ST6GALNAC5: variants seen among roughly 807,000 people sequenced by gnomAD.
ST6GALNAC5 encodes alpha-N-acetylgalactosaminide alpha-2,6-sialyltransferase 5.
In ST6GALNAC5, 27 loss-of-function variants were observed where a neutral mutation model predicts 33.6. The ratio of observed to expected loss-of-function variants is 0.80; its 90% CI spans 0.59 to 1.11. ST6GALNAC5 has a LOEUF of 1.11. Among genes scored for constraint, ST6GALNAC5 ranks in the 50% least tolerant of loss-of-function variants. The pLI is 0.00. For missense variants in ST6GALNAC5, 428 were observed against 454.0 expected (o/e 0.94, Z 0.52); for synonymous variants, 194 against 171.2 (o/e 1.13, Z -1.04).
At chr1:76,893,892 C>T (rs1364418243) in intron 2 of ST6GALNAC5, among the ~76,000 whole-genome samples, 1 of 152,146 alleles carries the variant, frequency 6.6e-6, no homozygotes, top group East Asian at 1.9e-4. Flanking sequence ...AACTCCTGAC[C>T]TCGTGATCCA....
intron 4 of ST6GALNAC5, among the ~76,000 whole-genome samples, chr1:77,062,002 G>T (rs1570152411): frequency 1.3e-5 from 2 of 152,132 alleles, no homozygotes; most frequent in African/African-American, 4.8e-5. Flanking sequence ...CCTCTTGTTT[G>T]CTGTCTTCCT....
chr1:77,005,141 G>A (rs1004654433), intron 2 of ST6GALNAC5, among the ~76,000 whole-genome samples: 8 of 152,242 alleles, frequency 5.3e-5, no homozygotes, highest in Middle Eastern at 3.2e-3. Context: ...AGCAATCAGC[G>A]AGACTCCGTG....
At position 76,976,719 on chromosome 1, in the gene ST6GALNAC5, T is replaced by C. The variant is rs532245778; in HGVS notation, c.262-67485T>C. 7.7e-4 allele frequency among the ~76,000 whole-genome samples: 118 copies of C among 152,306 alleles called. No individual in the cohort carries two copies. The South Asian group carries it at 0.024, about 31-fold the overall frequency. ...AAATAAAGTAATGCTGTACGATCTT[T>C]TAATTTCCTCTATTTTTATAGTCCC... On this transcript the variant is annotated intron_variant, in intron 2 of 4. Transcript: ENST00000477717.
chr1:76,894,480 G>T (rs551280968), intron 2 of ST6GALNAC5, among the ~76,000 whole-genome samples: 2 of 152,144 alleles, frequency 1.3e-5, no homozygotes, highest in Non-Finnish European at 2.9e-5. Flanking sequence ...AGAGGCAGGG[G>T]GGGGATCTTT....
chr1:77,041,503 A>G (rs945395837), intron 2 of ST6GALNAC5, among the ~76,000 whole-genome samples: 1 of 152,244 alleles, frequency 6.6e-6, no homozygotes. Flanking sequence ...CATTGAATAA[A>G]TTATCATGGA....
chr1:76,873,957 A>C (rs1286763521), intron 2 of ST6GALNAC5, among the ~76,000 whole-genome samples: 1 of 152,202 alleles, frequency 6.6e-6, no homozygotes, highest in East Asian at 1.9e-4. Context: ...TAATCGTTGC[A>C]GAGAAAAGAC....
At chr1:76,984,273 A>C (rs1649387528) in intron 2 of ST6GALNAC5, among the ~76,000 whole-genome samples, 1 of 152,202 alleles carries the variant, frequency 6.6e-6, no homozygotes, top group Non-Finnish European at 1.5e-5. Flanking sequence ...AGCAAGACTA[A>C]TAAAGAAGAA....
rs965609763 is a variant in ST6GALNAC5 at position 76,868,035 on chromosome 1, G to T, written c.15+345G>T. ...CAGCCTGCCAAAAACTAAGAGGGAC[G>T]GGGAGGGGGGACCTTTGCAGACTTT... On this transcript the variant is annotated intron_variant, in intron 1 of 4. Transcript: ENST00000477717. The surrounding 1 kb of genome is among the most constrained non-coding windows in gnomAD (Gnocchi z 4.3). 1.3e-5 allele frequency among the ~76,000 whole-genome samples: 2 copies of T among 152,170 alleles called. No homozygotes were observed. The highest frequency in any genetic ancestry group is 2.9e-5 in the Non-Finnish European group (2 of 68,022).
intron 2 of ST6GALNAC5, among the ~76,000 whole-genome samples, chr1:76,966,023 T>A (rs1020095482): frequency 9.8e-5 from 15 of 152,302 alleles, no homozygotes; most frequent in Admixed American, 7.8e-4. Context: ...TGTAGTAGAG[T>A]TTGAAGTCAG....
In ST6GALNAC5 at chr1:76,880,594, G is replaced by C. The variant is rs915360127; in HGVS notation, c.261+11852G>C. ...AAGAACTTGGAGTCCAGTGTTCGAG[G>C]GCAGGAAGCATCCAGCATGGAAGAA... On this transcript the variant is annotated intron_variant, in intron 2 of 4. Coordinates refer to ENST00000477717, the MANE Select transcript of ST6GALNAC5 (RefSeq NM_030965.3). Among the ~76,000 whole-genome samples the C allele has an allele frequency of 2.0e-5, 3 of 152,304 alleles. 1 individual carries two copies. Among genetic ancestry groups the C allele is most frequent in the South Asian group, 4.2e-4 (2 of 4,818 alleles).
Position 77,008,381 on chromosome 1 carries a change from C to T in ST6GALNAC5, c.262-35823C>T, listed in dbSNP as rs796587457. 1.3e-4 allele frequency among the ~76,000 whole-genome samples: 20 copies of T among 152,272 alleles called. 1 individual carries two copies. Among genetic ancestry groups the T allele is most frequent in the African/African-American group, 4.8e-4 (20 of 41,550 alleles). ...CTTGGACCTTGGGCAAATGACTTAA[C>T]CTCTCTGAGTCTCAGTTTCTTTATC... On this transcript the variant is annotated intron_variant, in intron 2 of 4. Coordinates refer to ENST00000477717, the MANE Select transcript of ST6GALNAC5 (RefSeq NM_030965.3).
chr1:76,930,773 C>T (rs1647132217), intron 2 of ST6GALNAC5, among the ~76,000 whole-genome samples: 1 of 152,134 alleles, frequency 6.6e-6, no homozygotes, highest in Non-Finnish European at 1.5e-5. Flanking sequence ...CATCCAGACA[C>T]CTCCATGTAT....
At chr1:76,909,131 G>A (rs920954389) in intron 2 of ST6GALNAC5, among the ~76,000 whole-genome samples, 2 of 152,078 alleles carry the variant, frequency 1.3e-5, no homozygotes, top group African/African-American at 4.8e-5. Flanking sequence ...AATTATTGGT[G>A]TTTGTATCTC....
At chr1:77,048,954 C>T (rs1652108794) in intron 3 of ST6GALNAC5, among the ~76,000 whole-genome samples, 1 of 152,092 alleles carries the variant, frequency 6.6e-6, no homozygotes, top group South Asian at 2.1e-4. Flanking sequence ...CCACTTATTC[C>T]CATCTTTAGG....
At chr1:76,912,617 G>A (rs1488970756) in intron 2 of ST6GALNAC5, among the ~76,000 whole-genome samples, 1 of 150,830 alleles carries the variant, frequency 6.6e-6, no homozygotes, top group African/African-American at 2.4e-5. Context: ...CCTGTATTGG[G>A]TGCATATATA....
At chr1:76,872,101 A>G (rs1019284471) in intron 2 of ST6GALNAC5, among the ~76,000 whole-genome samples, 1 of 138,102 alleles carries the variant, frequency 7.2e-6, no homozygotes, top group African/African-American at 3.1e-5. Flanking sequence ...ACACACACAC[A>G]CACACACACA....
intron 2 of ST6GALNAC5, among the ~76,000 whole-genome samples, chr1:76,961,589 C>G (rs1467269432): frequency 6.6e-6 from 1 of 152,186 alleles, no homozygotes; most frequent in Non-Finnish European, 1.5e-5. Context: ...CAGCCCCTGG[C>G]CTCATTTCAG....
chr1:77,001,681 TGA>T (rs1300273840), intron 2 of ST6GALNAC5, among the ~76,000 whole-genome samples: 1 of 151,820 alleles, frequency 6.6e-6, no homozygotes, highest in Admixed American at 6.6e-5. Flanking sequence ...CCTAATTTAT[TGA>T]GAGTTTTTAG....
intron 2 of ST6GALNAC5, among the ~76,000 whole-genome samples, chr1:76,928,889 C>T (rs770014064): frequency 4.6e-5 from 7 of 152,142 alleles, no homozygotes; most frequent in Non-Finnish European, 8.8e-5. Context: ...TGCATTTCCT[C>T]CAGGGCTTGC....
Sources: allele counts gnomAD v4.1 joint callset (sites outside exome capture counted in the v4.1 genomes callset), GRCh38; gene constraint gnomAD v4.1.1; non-coding constraint Gnocchi (gnomAD v3.1); transcripts MANE v1.5; gene names NCBI Gene and HGNC (gene_info 2026-07-23, HGNC 2026-07-21).